Variants in EPHA6 observed in about 807,000 individuals in gnomAD.
The protein encoded by EPHA6 is ephrin type-A receptor 6.
Under a neutral mutation model 112.0 loss-of-function variants are expected in EPHA6, and 50 were observed. The observed-to-expected ratio is 0.45, with a 90% CI of 0.36 to 0.56. The LOEUF is 0.56. Ranked by LOEUF, EPHA6 falls within the 20% of genes least tolerant of loss-of-function variation. EPHA6 has a pLI of 0.00. For missense variants in EPHA6, 1,280 were observed against 1,417.4 expected, an observed-to-expected ratio of 0.90 and a Z score of 1.56; for synonymous variants, 529 against 490.7, an observed-to-expected ratio of 1.08 and a Z score of -1.03.
chr3:97,277,365 GGGATGAGCCA>G, intron 5 of EPHA6, among the ~76,000 whole-genome samples: 1 of 152,098 alleles, frequency 6.6e-6, no homozygotes. Flanking sequence ...CTTTTGAGCT[GGGATGAGCCA>G]GGATGAGCCA....
At chr3:96,823,556 G>T (rs2033433793) in intron 1 of EPHA6, among the ~76,000 whole-genome samples, 1 of 151,670 alleles carries the variant, frequency 6.6e-6, no homozygotes, top group Non-Finnish European at 1.5e-5. Flanking sequence ...TATTTATCTT[G>T]TGAAGGCAAG....
intron 5 of EPHA6, among the ~76,000 whole-genome samples, chr3:97,299,462 T>A (rs900930666): frequency 2.0e-4 from 31 of 152,152 alleles, no homozygotes; most frequent in African/African-American, 7.2e-4. Context: ...GTGGGAGAGT[T>A]TGCTTTCTTT....
At chr3:97,102,313 C>T (rs1334633796) in intron 3 of EPHA6, among the ~76,000 whole-genome samples, 2 of 152,032 alleles carry the variant, frequency 1.3e-5, no homozygotes, top group Non-Finnish European at 2.9e-5. Flanking sequence ...TTAGTAAATG[C>T]TACGTGGAGC....
intron 7 of EPHA6, among the ~76,000 whole-genome samples, chr3:97,469,380 T>C (rs749468911): frequency 2.0e-5 from 3 of 151,728 alleles, no homozygotes; most frequent in Admixed American, 1.3e-4. Flanking sequence ...TCAATAAATA[T>C]ATGTGAAGTA....
chr3:97,007,507 A>C (rs1399197332), intron 3 of EPHA6, among the ~76,000 whole-genome samples: 1 of 151,386 alleles, frequency 6.6e-6, no homozygotes, highest in Non-Finnish European at 1.5e-5. Context: ...GTCTTTGCAC[A>C]CAAGATGGGT....
chr3:97,455,864 A>T (rs1338087525), intron 7 of EPHA6, among the ~76,000 whole-genome samples: 4 of 151,932 alleles, frequency 2.6e-5, no homozygotes, highest in Non-Finnish European at 4.4e-5. Flanking sequence ...AAAAAAAAAA[A>T]GATATTTTAT....
chr3:97,625,933 A>G lies in EPHA6; in HGVS notation c.2575-11940A>G, dbSNP rs553712437. On this transcript the variant is annotated intron_variant, in intron 13 of 17. Coordinates refer to ENST00000389672, the MANE Select transcript of EPHA6 (RefSeq NM_001080448.3). ...GAGTGTTGGGAATCTAGATAGCTTT[A>G]TGAGGAACATGCATAAATTGAAGGA... 4.0e-5 allele frequency among the ~76,000 whole-genome samples: 6 copies of G among 151,850 alleles called. No homozygotes were observed. The East Asian group carries it at 7.8e-4, about 20-fold the overall frequency.
chr3:97,597,905 C>A (rs2093607654), intron 12 of EPHA6, among the ~76,000 whole-genome samples: 1 of 151,982 alleles, frequency 6.6e-6, no homozygotes, highest in African/African-American at 2.4e-5. Context: ...ATATAGAGGA[C>A]TGTAGAAAAG....
At chr3:96,826,793 ACTTTT>A (rs551030867) in intron 1 of EPHA6, among the ~76,000 whole-genome samples, 2 of 152,036 alleles carry the variant, frequency 1.3e-5, no homozygotes, top group South Asian at 2.1e-4. Context: ...AAGTTTTTTC[ACTTTT>A]CTTTTCCTTT....
At chr3:97,328,050 T>TAC (rs1191368089) in intron 5 of EPHA6, among the ~76,000 whole-genome samples, 2,450 of 69,534 alleles carry the variant, frequency 0.035, 236 homozygotes, top group African/African-American at 0.11. Context: ...CACACATATA[T>TAC]ACACATATAT....
At position 97,034,087 on chromosome 3, in the gene EPHA6, G is replaced by T. The variant is rs138285611; in HGVS notation, c.1114+46094G>T. Among the ~76,000 whole-genome samples the T allele has an allele frequency of 3.5e-3, 529 of 152,020 alleles. 3 individuals carry two copies. Among genetic ancestry groups the T allele is most frequent in the African/African-American group, 0.012 (508 of 41,506 alleles). On this transcript the variant is annotated intron_variant, in intron 3 of 17. Coordinates refer to ENST00000389672, the MANE Select transcript of EPHA6 (RefSeq NM_001080448.3). ...TTATAAAATATATTCTAAGTCTACA[G>T]TCTAATTGGGAATATAACTTTAGGA... is the stretch of plus-strand genomic sequence containing the variant.
chr3:97,076,673 CT>C (rs2046537083), intron 3 of EPHA6, among the ~76,000 whole-genome samples: 1 of 152,112 alleles, frequency 6.6e-6, no homozygotes, highest in South Asian at 2.1e-4. Context: ...ACTTTTACAG[CT>C]AGAGAGAAGT....
At chr3:97,673,331 G>A (rs1030437635) in intron 14 of EPHA6, among the ~76,000 whole-genome samples, 9 of 152,202 alleles carry the variant, frequency 5.9e-5, no homozygotes, top group African/African-American at 2.2e-4. Flanking sequence ...TGTTACTCGG[G>A]AATGGGATGG....
At chr3:97,560,967 G>C (rs2093181177) in intron 11 of EPHA6, among the ~76,000 whole-genome samples, 1 of 151,904 alleles carries the variant, frequency 6.6e-6, no homozygotes, top group Admixed American at 6.6e-5. Context: ...ATTGATCTGT[G>C]ATTGATGATC....
chr3:97,365,810 T>C (rs2084693471), intron 5 of EPHA6, among the ~76,000 whole-genome samples: 1 of 152,176 alleles, frequency 6.6e-6, no homozygotes, highest in Non-Finnish European at 1.5e-5. Flanking sequence ...TAACTTTAGG[T>C]TTGTTTCCTT....
At chr3:97,222,974 T>A (rs2078250142) in intron 3 of EPHA6, among the ~76,000 whole-genome samples, 1 of 152,096 alleles carries the variant, frequency 6.6e-6, no homozygotes, top group South Asian at 2.1e-4. Context: ...AATCACAGAG[T>A]CATCGGGGTT....
At chr3:97,072,341 C>G (rs1477465840) in intron 3 of EPHA6, among the ~76,000 whole-genome samples, 1 of 152,002 alleles carries the variant, frequency 6.6e-6, no homozygotes, top group Non-Finnish European at 1.5e-5. Context: ...TCCCGTATGA[C>G]TGGTGTCCTT....
chr3:97,185,978 T>C (rs1203211451), intron 3 of EPHA6, among the ~76,000 whole-genome samples: 13 of 145,958 alleles, frequency 8.9e-5, no homozygotes, highest in African/African-American at 1.0e-4. Flanking sequence ...AACCAAACAC[T>C]GCATGTTCTC....
At chr3:97,474,901 A>G (rs2091325827) in intron 7 of EPHA6, among the ~76,000 whole-genome samples, 1 of 152,088 alleles carries the variant, frequency 6.6e-6, no homozygotes, top group Non-Finnish European at 1.5e-5. Context: ...AAGTATAAAG[A>G]ACATCATTCT....
Sources: gnomAD v4.1 joint callset for allele counts (sites outside exome capture counted in the v4.1 genomes callset) on GRCh38, gnomAD v4.1.1 for gene constraint, MANE v1.5 for transcripts, NCBI Gene and HGNC (gene_info 2026-07-23, HGNC 2026-07-21) for gene names.